Variants in ZCCHC2 observed in about 807,000 individuals in gnomAD.
The protein encoded by ZCCHC2 is zinc finger CCHC-type containing 2, also known as zinc finger CCHC domain-containing protein 2.
In ZCCHC2, 39 loss-of-function variants were observed where a neutral mutation model predicts 103.6. That is an observed-to-expected ratio of 0.38 (90% CI 0.29 to 0.49). The LOEUF is 0.49. ZCCHC2 is among the 20% of genes least tolerant of loss of function. The pLI is 0.96. For synonymous variants in ZCCHC2, 687 were observed against 608.9 expected, an observed-to-expected ratio of 1.13 and a Z score of -1.89; for missense variants, 1,483 against 1,491.0, an observed-to-expected ratio of 0.99 and a Z score of 0.09.
At chr18:62,547,898 AT>A (rs1480518682) in intron 4 of ZCCHC2, among the ~76,000 whole-genome samples, 2 of 151,932 alleles carry the variant, frequency 1.3e-5, no homozygotes, top group African/African-American at 4.8e-5. Flanking sequence ...TACAGCTGTC[AT>A]TTCTCATGAT....
rs892636166 is a variant in ZCCHC2 at position 62,564,704 on chromosome 18, A to G, written c.1751+69A>G. The G allele has an allele frequency of 6.1e-6, 7 of 1,148,030 alleles. No homozygotes were observed. The African/African-American group carries it at 9.4e-5, about 15-fold the overall frequency. The allele number at this position is 1,148,030 out of a possible 1,614,324, so 71.1% of individuals were successfully genotyped here. ...AGGCCTGTTTAGTTTATGATAGTAT[A>G]CAACATAGTATTTTTTTAGTTAGTT... On this transcript the variant is annotated intron_variant, in intron 10 of 13. Transcript: ENST00000269499.
intron 14 of ZCCHC2, among the ~76,000 whole-genome samples, chr18:62,584,250 G>A (rs1227950936): frequency 1.3e-5 from 2 of 152,114 alleles, no homozygotes; most frequent in African/African-American, 4.8e-5. Context: ...TGTCTGTTCT[G>A]TAATGGGGGC....
intron 1 of ZCCHC2, chr18:62,524,607 G>C (rs1400073400): frequency 7.7e-6 from 4 of 522,474 alleles, no homozygotes; most frequent in Non-Finnish European, 1.3e-5. Context: ...TGCTCTAGAA[G>C]TCCCTTCCGT....
chr18:62,555,745 T>C (rs1915858469), intron 5 of ZCCHC2, among the ~76,000 whole-genome samples: 1 of 151,634 alleles, frequency 6.6e-6, no homozygotes, highest in Non-Finnish European at 1.5e-5. Flanking sequence ...GAGGCGGAGG[T>C]TGCAGTGAGC....
intron 6 of ZCCHC2, among the ~76,000 whole-genome samples, chr18:62,557,246 A>G (rs903028968): frequency 2.0e-4 from 31 of 152,316 alleles, no homozygotes; most frequent in African/African-American, 7.5e-4. Flanking sequence ...TTTTGTCAGT[A>G]ACATTGGCGT....
At chr18:62,568,605 C>T (rs1003475946) in intron 11 of ZCCHC2, among the ~76,000 whole-genome samples, 1 of 152,028 alleles carries the variant, frequency 6.6e-6, no homozygotes, top group African/African-American at 2.4e-5. Context: ...GGAGAGGTAG[C>T]TGCTTTTTTT....
chr18:62,539,873 C>T, intron 2 of ZCCHC2, 81 bp downstream of exon 2: 1 of 1,121,992 alleles, frequency 8.9e-7, no homozygotes, highest in South Asian at 1.4e-5. Flanking sequence ...TAACTCTAAA[C>T]TTTTTACTCT....
intron 5 of ZCCHC2, chr18:62,551,769 A>G (rs986794084): frequency 1.3e-5 from 2 of 152,998 alleles, no homozygotes; most frequent in Non-Finnish European, 2.9e-5. Flanking sequence ...CCAAGGAAAC[A>G]TGCTGTTTTA....
chr18:62,537,684 A>G (rs1361083662), intron 1 of ZCCHC2, among the ~76,000 whole-genome samples: 1 of 152,196 alleles, frequency 6.6e-6, no homozygotes, highest in Non-Finnish European at 1.5e-5. Context: ...CTGTTCATCC[A>G]TTGATGGGTT....
chr18:62,551,099 T>A (rs1355914227), intron 5 of ZCCHC2: 1 of 152,200 alleles, frequency 6.6e-6, no homozygotes. Flanking sequence ...TGTACTTGTT[T>A]CGTGATGGGA....
intron 12 of ZCCHC2, among the ~76,000 whole-genome samples, chr18:62,573,273 T>C (rs914179325): frequency 2.0e-5 from 3 of 152,210 alleles, no homozygotes; most frequent in African/African-American, 7.2e-5. Context: ...GTTTAAACAT[T>C]GTGAATCAGA....
intron 6 of ZCCHC2, 140 bp downstream of exon 6, chr18:62,556,437 G>T: frequency 1.5e-6 from 1 of 650,338 alleles, no homozygotes; most frequent in Non-Finnish European, 2.5e-6. Context: ...TTTTTAATGA[G>T]TTTTTACACT....
chr18:62,531,124 A>G (rs1051732974), intron 1 of ZCCHC2, among the ~76,000 whole-genome samples: 4 of 151,854 alleles, frequency 2.6e-5, no homozygotes, highest in African/African-American at 9.7e-5. Flanking sequence ...AACTTATTTT[A>G]TTGACTGTGT....
chr18:62,575,708 A>G (rs114532642), intron 13 of ZCCHC2, among the ~76,000 whole-genome samples, 158 bp downstream of exon 13: 5 of 152,354 alleles, frequency 3.3e-5, no homozygotes, highest in African/African-American at 1.2e-4. Context: ...CAACTGGAAA[A>G]ACAGTGTAGA....
At chr18:62,568,285 A>G (rs1003747655) in intron 11 of ZCCHC2, among the ~76,000 whole-genome samples, 2 of 152,174 alleles carry the variant, frequency 1.3e-5, no homozygotes, top group African/African-American at 4.8e-5. Context: ...TTGAGACATG[A>G]CAAATTCAGT....
chr18:62,574,927 G>T lies in ZCCHC2; in HGVS notation c.2846G>T (p.Gly949Val). 1.9e-6 allele frequency: 3 copies of T among 1,613,812 alleles called. No homozygotes were observed. The highest frequency in any genetic ancestry group is 2.5e-6 in the Non-Finnish European group (3 of 1,179,896). The change falls in exon 13 of 14, where the codon GGT (glycine) becomes GTT (valine). Residue 949 changes from glycine (G) to valine (V), a missense_variant. Physicochemically the swap from Gly to Val is moderately radical, Grantham distance 109. This residue lies in a region of ZCCHC2 where 884 missense variants were observed against 907.5 expected (regional missense o/e 0.97). Coordinates refer to ENST00000269499, the MANE Select transcript of ZCCHC2 (RefSeq NM_017742.6). ...AATSPQPASA[G>V]ISQAQATVPP... is the part of the protein sequence containing the mutation. ...ACTTCTCCCCAGCCAGCGAGCGCAGGTATCAGCCAGGCCCAGGCAACTGTT... is the reference window on the plus strand; with the variant it reads ...ACTTCTCCCCAGCCAGCGAGCGCAGTTATCAGCCAGGCCCAGGCAACTGTT...
intron 9 of ZCCHC2, 29 bp downstream of exon 9, chr18:62,563,173 A>G: frequency 1.9e-6 from 3 of 1,598,516 alleles, no homozygotes; most frequent in South Asian, 2.2e-5. Context: ...TTGGAGCTAT[A>G]TAGTTAAAGC....
chr18:62,555,606 C>G (rs751559613), intron 5 of ZCCHC2, among the ~76,000 whole-genome samples: 5 of 152,048 alleles, frequency 3.3e-5, no homozygotes, highest in Non-Finnish European at 4.4e-5. Flanking sequence ...GTCAGGAGTT[C>G]GAGACTAGCC....
chr18:62,586,554 C>T (rs1394218365), exon 15 of ZCCHC2: 1 of 151,930 alleles, frequency 6.6e-6, no homozygotes, highest in African/African-American at 2.4e-5. Flanking sequence ...ATGAATTAGG[C>T]GTAGCTCTTG....
Sources: allele counts gnomAD v4.1 joint callset (sites outside exome capture counted in the v4.1 genomes callset), GRCh38; gene constraint gnomAD v4.1.1; regional missense constraint gnomAD v4.1.1; transcripts MANE v1.5; gene names NCBI Gene and HGNC (gene_info 2026-07-23, HGNC 2026-07-21).